The following EPB41L4B variants were observed in gnomAD, a reference collection of about 807,000 sequenced individuals.
EPB41L4B encodes the protein band 4.1-like protein 4B.
A neutral mutation model predicts 112.5 loss-of-function variants in EPB41L4B; 30 were observed. The observed-to-expected ratio is 0.27, with a 90% CI of 0.20 to 0.36. The LOEUF (loss-of-function observed/expected upper bound fraction) is 0.36, where lower values mean the gene tolerates loss of function less well. Among genes scored for constraint, EPB41L4B ranks in the 10% least tolerant of loss-of-function variants. The pLI is 1.00. For missense variants in EPB41L4B, 1,024 were observed against 1,133.3 expected (o/e 0.90, Z 1.38); for synonymous variants, 408 against 439.7 (o/e 0.93, Z 0.90).
chr9:109,211,594 C>CAA (rs201609219), intron 17 of EPB41L4B, among the ~76,000 whole-genome samples: 1 of 94,348 alleles, frequency 1.1e-5, no homozygotes, highest in Admixed American at 1.0e-4. Context: ...GACGCCATCT[C>CAA]AAAAAAAAAA....
At chr9:109,221,545 T>C (rs1833573600) in intron 15 of EPB41L4B, among the ~76,000 whole-genome samples, 1 of 151,686 alleles carries the variant, frequency 6.6e-6, no homozygotes, top group African/African-American at 2.4e-5. Flanking sequence ...GAGGGACAAA[T>C]CAGAGAAACA....
At chr9:109,289,876 T>C (rs1836460265) in intron 1 of EPB41L4B, among the ~76,000 whole-genome samples, 1 of 152,260 alleles carries the variant, frequency 6.6e-6, no homozygotes, top group Non-Finnish European at 1.5e-5. Context: ...CTATTTAAAT[T>C]GGCCTATGAT....
At position 109,203,748 on chromosome 9, in the gene EPB41L4B, C is replaced by A. The variant is rs377630685; in HGVS notation, c.1879-18G>T. ...TTTCCACCCTGTTAAAGAAAGCATT[C>A]AGGTTAGTCAAAACTGAATATGTTG... On this transcript the variant is annotated intron_variant, in intron 18 of 25. Coordinates refer to ENST00000374566, the MANE Select transcript of EPB41L4B (RefSeq NM_019114.5). 1 of 1,606,662 alleles carries A rather than the reference C, an allele frequency of 6.2e-7. No homozygotes were observed. The highest frequency in any genetic ancestry group is 1.1e-5 in the South Asian group (1 of 90,734).
chr9:109,186,048 C>A (rs1365173431), intron 22 of EPB41L4B, among the ~76,000 whole-genome samples: 1 of 152,018 alleles, frequency 6.6e-6, no homozygotes, highest in Non-Finnish European at 1.5e-5. Context: ...TGAGGAGTGG[C>A]CACACACTTG....
At chr9:109,249,228 G>A (rs963039490) in intron 13 of EPB41L4B, among the ~76,000 whole-genome samples, 1 of 152,006 alleles carries the variant, frequency 6.6e-6, no homozygotes, top group Non-Finnish European at 1.5e-5. Context: ...ATGGCTCTGT[G>A]TTCTGGTTTT....
rs1837839083 is a variant in EPB41L4B at position 109,320,625 on chromosome 9, G to T, written c.-179C>A. The T allele has an allele frequency of 6.1e-6, 1 of 163,326 alleles. No homozygotes were observed. Among genetic ancestry groups the T allele is most frequent in the Non-Finnish European group, 1.2e-5 (1 of 82,376 alleles). The allele number at this position is 163,326 out of a possible 1,614,324, so 10.1% of individuals were successfully genotyped here. A position where few individuals can be genotyped will look rare whatever the true frequency, so the allele number is the denominator to read the frequency against. On this transcript the variant is annotated 5_prime_UTR_variant, in exon 1 of 26. Transcript: ENST00000374566. ...CCGAGGCCGAGGCCGCGCTCTAGCC[G>T]CCTGCGGGGCGCGCCGGCCCGGCCA...
intron 1 of EPB41L4B, among the ~76,000 whole-genome samples, chr9:109,304,956 G>T (rs1001883419): frequency 2.6e-5 from 4 of 152,122 alleles, no homozygotes; most frequent in Admixed American, 2.6e-4. Context: ...GAGCCAGATA[G>T]TAATGATGGT....
intron 2 of EPB41L4B, among the ~76,000 whole-genome samples, chr9:109,272,992 C>T (rs1267143904): frequency 2.0e-5 from 3 of 152,104 alleles, no homozygotes; most frequent in East Asian, 1.9e-4. Flanking sequence ...GGTTTCCACA[C>T]CACGGACTAG....
chr9:109,260,996 C>T (rs1175058516), intron 6 of EPB41L4B, among the ~76,000 whole-genome samples: 4 of 152,108 alleles, frequency 2.6e-5, no homozygotes, highest in African/African-American at 9.7e-5. Flanking sequence ...AATGGCCTTC[C>T]GTCTCTTTTG....
At position 109,194,401 on chromosome 9, in the gene EPB41L4B, C is replaced by A. The variant is rs972113274; in HGVS notation, c.2046-4G>T. 1.9e-6 allele frequency: 3 copies of A among 1,613,266 alleles called. No individual in the cohort carries two copies. In the South Asian group the frequency reaches 3.3e-5, roughly 18 times the overall value. ...TGGAGGGAGGTCGTCTTCATCACTG[C>A]GGTTACTAAAAGCACATGAAGCTCT... is the stretch of plus-strand genomic sequence containing the variant. On this transcript the variant is annotated splice_polypyrimidine_tract_variant and splice_region_variant and intron_variant, in intron 20 of 25. Coordinates refer to ENST00000374566, the MANE Select transcript of EPB41L4B (RefSeq NM_019114.5).
chr9:109,252,418 G>A (rs560582781), intron 12 of EPB41L4B, among the ~76,000 whole-genome samples: 2 of 152,104 alleles, frequency 1.3e-5, no homozygotes, highest in Admixed American at 6.5e-5. Flanking sequence ...CTCTGGACAC[G>A]CTCCCATCCC....
At chr9:109,180,973 C>T (rs1009970503) in intron 24 of EPB41L4B, among the ~76,000 whole-genome samples, 8 of 151,870 alleles carry the variant, frequency 5.3e-5, no homozygotes, top group South Asian at 2.1e-4. Flanking sequence ...CAAACTCTCT[C>T]TTTGTAGATG....
intron 13 of EPB41L4B, among the ~76,000 whole-genome samples, chr9:109,250,482 C>G (rs746201111): frequency 2.0e-5 from 3 of 152,292 alleles, no homozygotes; most frequent in South Asian, 4.1e-4. Context: ...CCTGGCCTAC[C>G]TACCAGCGGC....
intron 17 of EPB41L4B, among the ~76,000 whole-genome samples, chr9:109,212,467 T>C (rs1255637477): frequency 6.6e-6 from 1 of 151,362 alleles, no homozygotes. Flanking sequence ...GAGGGAGGTA[T>C]AGAAAAAAAA....
intron 2 of EPB41L4B, among the ~76,000 whole-genome samples, chr9:109,274,842 G>T (rs76201143): frequency 6.6e-6 from 1 of 152,208 alleles, no homozygotes; most frequent in South Asian, 2.1e-4. Context: ...CTACTTTATA[G>T]ATCAGTGATG....
chr9:109,256,240 G>A lies in EPB41L4B; in HGVS notation c.841-16C>T, dbSNP rs1834978719. ...CATCTCTTCCCTACAAACAAACGAA[G>A]TGACAATCGGTAGAGGGTTCTAACA... On this transcript the variant is annotated splice_polypyrimidine_tract_variant and intron_variant, in intron 8 of 25. Coordinates refer to ENST00000374566, the MANE Select transcript of EPB41L4B (RefSeq NM_019114.5). The A allele has an allele frequency of 6.2e-7, 1 of 1,611,774 alleles. No homozygotes were observed. The highest frequency in any genetic ancestry group is 8.5e-7 in the Non-Finnish European group (1 of 1,178,048).
intron 24 of EPB41L4B, among the ~76,000 whole-genome samples, chr9:109,178,902 TAAAAAAA>T (rs10625718): frequency 9.5e-6 from 1 of 105,140 alleles, no homozygotes; most frequent in Non-Finnish European, 1.8e-5. Flanking sequence ...ATACTTCAAG[TAAAAAAA>T]AAAAAAAAAA....
Position 109,244,362 on chromosome 9 carries a change from G to A in EPB41L4B, c.1345-680C>T, listed in dbSNP as rs1588165775. On this transcript the variant is annotated intron_variant, in intron 14 of 25. Coordinates refer to ENST00000374566, the MANE Select transcript of EPB41L4B (RefSeq NM_019114.5). The stretch of plus-strand genomic sequence containing the variant: ...GAGGGAAGGAAGGCAGGTAGGGAAA[G>A]AGAGAAGAAAGAAAAAGAAGGGAAG... Among the ~76,000 whole-genome samples, 4 of 148,484 alleles carry A rather than the reference G, an allele frequency of 2.7e-5. No homozygotes were observed. The Middle Eastern group carries it at 0.014, about 519-fold the overall frequency.
chr9:109,177,963 GGC>G (rs1831905034), intron 24 of EPB41L4B, among the ~76,000 whole-genome samples: 1 of 151,674 alleles, frequency 6.6e-6, no homozygotes, highest in East Asian at 1.9e-4. Context: ...CTGTTGCCCA[GGC>G]TGGAGTGCAG....
Sources: gnomAD v4.1 joint callset for allele counts (sites outside exome capture counted in the v4.1 genomes callset) on GRCh38, gnomAD v4.1.1 for gene constraint, MANE v1.5 for transcripts, NCBI Gene and HGNC (gene_info 2026-07-23, HGNC 2026-07-21) for gene names.